Variants in NUMA1 observed in about 807,000 individuals in gnomAD.
NUMA1 encodes nuclear mitotic apparatus protein 1, also known as SP-H antigen.
NUMA1 carries 62 observed loss-of-function variants against 237.1 expected under a neutral mutation model. The observed-to-expected ratio is 0.26, with a 90% CI of 0.21 to 0.32. The LOEUF is 0.32. Among genes scored for constraint, NUMA1 ranks in the 10% least tolerant of loss-of-function variants. The pLI is 1.00. For missense variants in NUMA1, 2,533 were observed against 2,666.5 expected (o/e 0.95, Z 1.10); for synonymous variants, 1,028 against 1,066.1 (o/e 0.96, Z 0.70).
rs1163491868 is a variant in NUMA1 at position 72,018,290 on chromosome 11, G to T, written c.871C>A (p.Arg291=). The change falls in exon 12 of 27, where the codon CGG becomes AGG. Residue 291 remains arginine (R), a synonymous_variant. Coordinates refer to ENST00000393695, the MANE Select transcript of NUMA1 (RefSeq NM_006185.4). The part of the protein sequence containing the change: ...LRDKNESLTM[R]LHETLKQCQD... ...CACTGCTTCAGGGTTTCATGCAGCC[G>T]CATGGTAAGGCTGCGAGGGAGGGAA... 1 of 1,613,338 alleles carries T rather than the reference G, an allele frequency of 6.2e-7. No homozygotes were observed. Among genetic ancestry groups the T allele is most frequent in the Non-Finnish European group, 8.5e-7 (1 of 1,179,358 alleles).
chr11:72,025,399 G>C (rs987947072), intron 4 of NUMA1, among the ~76,000 whole-genome samples: 3 of 151,764 alleles, frequency 2.0e-5, no homozygotes, highest in African/African-American at 7.3e-5. Context: ...GCAACAGAGC[G>C]AGATTCTGTC....
rs374390931 is a variant in NUMA1 at position 72,013,780 on chromosome 11, G to C, written c.3723C>G (p.Val1241=). The C allele has an allele frequency of 6.2e-7, 1 of 1,609,996 alleles. No individual in the cohort carries two copies. Among genetic ancestry groups the C allele is most frequent in the Non-Finnish European group, 8.5e-7 (1 of 1,179,992 alleles). ...EEEVSILNRQ[V]LEKEGESKEL... Reference sequence around the variant, plus strand: ...CCTTGCTCTCCCCCTCCTTCTCCAGGACCTGGCGATTCAGGATGGACACCT... The same window carrying C: ...CCTTGCTCTCCCCCTCCTTCTCCAGCACCTGGCGATTCAGGATGGACACCT... The change falls in exon 15 of 27, where the codon GTC becomes GTG. Residue 1241 remains valine, a synonymous_variant. Transcript: ENST00000393695. This position sits in a 1 kb window ranked among gnomAD's most constrained non-coding sequence, Gnocchi z 6.8.
In NUMA1 at chr11:72,013,000, A is replaced by G; in HGVS notation, c.4503T>C (p.Thr1501=). ...CAGTCATCACCTCCAGCTCCCGGGC[A>G]GTGCTCTGTGCTTCTCGCTGCACCT... ...LAEVQREAQS[T]ARELEVMTAK... is the part of the protein sequence containing the mutation. Residue 1501 remains threonine (T), a synonymous_variant, in exon 15 of 27, where the codon ACT becomes ACC. Coordinates refer to ENST00000393695, the MANE Select transcript of NUMA1 (RefSeq NM_006185.4). 1 of 1,614,076 alleles carries G rather than the reference A, an allele frequency of 6.2e-7. No homozygotes were observed. The highest frequency in any genetic ancestry group is 1.3e-5 in the African/African-American group (1 of 75,010).
At chr11:72,028,320 T>C (rs933809141) in intron 4 of NUMA1, among the ~76,000 whole-genome samples, 7 of 152,092 alleles carry the variant, frequency 4.6e-5, no homozygotes. Context: ...TATGAACAGG[T>C]AGCTAAAGTG....
At chr11:72,057,697 T>C (rs1942731942) in intron 2 of NUMA1, among the ~76,000 whole-genome samples, 1 of 150,362 alleles carries the variant, frequency 6.7e-6, no homozygotes, top group South Asian at 2.1e-4. Flanking sequence ...TGAGCCAAGA[T>C]TGCACCACTG....
At chr11:72,028,662 A>T (rs1255499309) in intron 4 of NUMA1, among the ~76,000 whole-genome samples, 1 of 152,178 alleles carries the variant, frequency 6.6e-6, no homozygotes, top group Non-Finnish European at 1.5e-5. Flanking sequence ...GGACCTCAGA[A>T]ATCAAGTTAA....
chr11:72,019,788 T>C (rs1186221454), intron 8 of NUMA1, among the ~76,000 whole-genome samples, 171 bp from the exon 9 acceptor site: 1 of 152,194 alleles, frequency 6.6e-6, no homozygotes, highest in African/African-American at 2.4e-5. Context: ...GTGCCTGGGT[T>C]ATCCAGAGTT....
chr11:72,034,385 G>A (rs1264127687), intron 3 of NUMA1, among the ~76,000 whole-genome samples: 1 of 151,596 alleles, frequency 6.6e-6, no homozygotes, highest in Non-Finnish European at 1.5e-5. Flanking sequence ...ACTTTATGAG[G>A]TATTTTAATT....
chr11:72,041,871 T>C, intron 2 of NUMA1: 1 of 152,764 alleles, frequency 6.5e-6, no homozygotes, highest in Non-Finnish European at 1.5e-5. Flanking sequence ...CTCCTCCCCC[T>C]CCGCCACCCA....
chr11:72,007,186 G>T lies in NUMA1; in HGVS notation c.5463+3C>A, dbSNP rs1161574277. On this transcript the variant is annotated splice_donor_region_variant and intron_variant, in intron 21 of 26. Transcript: ENST00000393695. The stretch of plus-strand genomic sequence containing the variant: ...CCTGCAGCCCCTGTCCCAGCAGCCT[G>T]ACCTTGGTCATGGTGATGTTGATGA... The T allele has an allele frequency of 1.2e-6, 2 of 1,607,244 alleles. No individual in the cohort carries two copies. Among genetic ancestry groups the T allele is most frequent in the South Asian group, 1.1e-5 (1 of 90,998 alleles).
chr11:72,055,386 C>T (rs1942580002), intron 2 of NUMA1, among the ~76,000 whole-genome samples: 1 of 152,102 alleles, frequency 6.6e-6, no homozygotes. Flanking sequence ...TAAAAAGCAA[C>T]CGGGCCACGA....
intron 2 of NUMA1, among the ~76,000 whole-genome samples, chr11:72,048,136 G>A (rs764957643): frequency 7.2e-5 from 11 of 151,898 alleles, no homozygotes; most frequent in Admixed American, 3.9e-4. Context: ...TCGCTCTGTC[G>A]CCCAGGTTGG....
At chr11:72,003,863 C>T in intron 26 of NUMA1, 24 bp downstream of exon 26, 8 of 1,611,344 alleles carry the variant, frequency 5.0e-6, no homozygotes, top group Non-Finnish European at 5.9e-6. Flanking sequence ...GGGTTTCCCT[C>T]CCCCATCCTG....
intron 2 of NUMA1, among the ~76,000 whole-genome samples, chr11:72,051,977 T>C (rs1462828979): frequency 6.6e-6 from 1 of 152,186 alleles, no homozygotes; most frequent in African/African-American, 2.4e-5. Context: ...GAGAATGGTA[T>C]ACTACTTGTG....
At chr11:72,040,866 G>T (rs879937419) in intron 2 of NUMA1, 1 of 151,994 alleles carries the variant, frequency 6.6e-6, no homozygotes, top group Middle Eastern at 3.1e-3. Flanking sequence ...GGGAGGTGAG[G>T]GGGGAGAATC....
chr11:72,056,955 TGATGA>T (rs1375882509), intron 2 of NUMA1, among the ~76,000 whole-genome samples: 1 of 150,120 alleles, frequency 6.7e-6, no homozygotes, highest in Non-Finnish European at 1.5e-5. Flanking sequence ...TCATCATCAA[TGATGA>T]GATATCTCAA....
Position 72,013,895 on chromosome 11 carries a change from C to T in NUMA1, c.3608G>A (p.Ser1203Asn). The T allele has an allele frequency of 6.2e-7, 1 of 1,614,036 alleles. No individual in the cohort carries two copies. Among genetic ancestry groups the T allele is most frequent in the African/African-American group, 1.3e-5 (1 of 75,070 alleles). ...AAFRTKVQDH[S>N]KAEDEWKAQV... is the part of the protein sequence containing the mutation. The stretch of plus-strand genomic sequence containing the variant: ...GGCCTTCCACTCATCTTCAGCCTTG[C>T]TGTGGTCTTGTACCTTGGTGCGGAA... The change falls in exon 15 of 27, where the codon AGC becomes AAC. Residue 1203 changes from serine to asparagine, a missense_variant. Around this residue, in one of 3 missense-constraint regions of NUMA1, gnomAD observed 1,414 missense variants for 1,508.1 expected, o/e 0.94. Coordinates refer to ENST00000393695, the MANE Select transcript of NUMA1 (RefSeq NM_006185.4). This position sits in a 1 kb window ranked among gnomAD's most constrained non-coding sequence, Gnocchi z 6.8.
intron 2 of NUMA1, chr11:72,049,556 T>TAAAA (rs1565274870): frequency 3.7e-4 from 8 of 21,620 alleles, no homozygotes; most frequent in African/African-American, 9.1e-4. Context: ...AAAAAAATAA[T>TAAAA]AATAATATAT....
chr11:72,004,898 C>G, intron 23 of NUMA1, 82 bp from the exon 24 acceptor site: 8 of 1,336,400 alleles, frequency 6.0e-6, no homozygotes, highest in Non-Finnish European at 8.1e-6. Context: ...GAACTCTACA[C>G]TCGCCCGACA....
Sources: allele counts gnomAD v4.1 joint callset (sites outside exome capture counted in the v4.1 genomes callset), GRCh38; gene constraint gnomAD v4.1.1; regional missense constraint gnomAD v4.1.1; non-coding constraint Gnocchi (gnomAD v3.1); transcripts MANE v1.5; gene names NCBI Gene and HGNC (gene_info 2026-07-23, HGNC 2026-07-21).